ATP9B: variants seen among roughly 807,000 people sequenced by gnomAD.
ATP9B encodes ATPase phospholipid transporting 9B, also known as probable phospholipid-transporting ATPase IIB.
In ATP9B, 110 loss-of-function variants were observed where a neutral mutation model predicts 146.1. The observed-to-expected ratio is 0.75, with a 90% CI of 0.65 to 0.88. ATP9B has a LOEUF of 0.88. Ranked by LOEUF, ATP9B falls within the 40% of genes least tolerant of loss-of-function variation. The probability of loss-of-function intolerance (pLI) is 0.00; values close to 1 mark genes in which losing one functional copy is unlikely to be tolerated. For synonymous variants in ATP9B, 604 were observed against 569.7 expected (o/e 1.06, Z -0.86); for missense variants, 1,499 against 1,496.4 (o/e 1.00, Z -0.03).
chr18:79,142,480 A>G (rs2094525591), intron 5 of ATP9B, among the ~76,000 whole-genome samples: 2 of 152,184 alleles, frequency 1.3e-5, no homozygotes, highest in African/African-American at 4.8e-5. Flanking sequence ...GCTAGGAGAG[A>G]GGGTGAAATT....
chr18:79,348,263 A>C lies in ATP9B; in HGVS notation c.2903+67A>C, dbSNP rs934694909. The stretch of plus-strand genomic sequence containing the variant: ...CTTCTATTTTGAAAAAAAAAAAAAA[A>C]AAAAAACAAAAAACGTATATAGAAG... On this transcript the variant is annotated intron_variant, in intron 25 of 29. Transcript: ENST00000426216. 1.1e-3 allele frequency: 1,340 copies of C among 1,232,208 alleles called. 45 individuals carry two copies. Among genetic ancestry groups the C allele is most frequent in the Admixed American group, 1.9e-3 (91 of 48,888 alleles). 76.3% of individuals were successfully genotyped at this position (1,232,208 alleles called of 1,614,324 possible). A position where few individuals can be genotyped will look rare whatever the true frequency, so the allele number is the denominator to read the frequency against.
chr18:79,142,117 G>A (rs373932843), intron 5 of ATP9B, among the ~76,000 whole-genome samples: 4 of 152,112 alleles, frequency 2.6e-5, no homozygotes, highest in Non-Finnish European at 4.4e-5. Flanking sequence ...TTTGTTCATT[G>A]TGTAATAGCA....
At chr18:79,071,525 G>A (rs1414679908) in intron 1 of ATP9B, among the ~76,000 whole-genome samples, 1 of 150,664 alleles carries the variant, frequency 6.6e-6, no homozygotes, top group African/African-American at 2.4e-5. Context: ...GGGACTATAG[G>A]CACATACCAC....
intron 13 of ATP9B, among the ~76,000 whole-genome samples, chr18:79,287,738 T>A (rs1252174749): frequency 6.6e-6 from 1 of 152,144 alleles, no homozygotes; most frequent in Admixed American, 6.5e-5. Flanking sequence ...TTTCCTGCTT[T>A]CTCTTGTGGG....
rs1370152631 is a variant in ATP9B, at chr18:79,243,289, ATATAAT to A, written c.1108-10086_1108-10081del. Among the ~76,000 whole-genome samples the A allele has an allele frequency of 3.3e-5, 5 of 152,342 alleles. No homozygotes were observed. The South Asian group carries it at 6.2e-4, about 19-fold the overall frequency. ...CATTTTATATATCCTCATGTTTTTA[ATATAAT>A]TATAAATAGGTGAATATGCATTTAA... On this transcript the variant is annotated intron_variant, in intron 11 of 29. Transcript: ENST00000426216.
At chr18:79,149,470 C>G (rs1403116252) in intron 6 of ATP9B, among the ~76,000 whole-genome samples, 3 of 150,902 alleles carry the variant, frequency 2.0e-5, no homozygotes, top group Non-Finnish European at 4.4e-5. Context: ...AACTGCAAAA[C>G]TTTTAGAAAA....
At chr18:79,073,520 C>G (rs540124033) in intron 1 of ATP9B, among the ~76,000 whole-genome samples, 3 of 152,202 alleles carry the variant, frequency 2.0e-5, no homozygotes, top group Admixed American at 6.5e-5. Flanking sequence ...CCCAGGCACT[C>G]GGCAGGCTGA....
At chr18:79,205,237 AT>A (rs2095522734) in intron 9 of ATP9B, among the ~76,000 whole-genome samples, 1 of 120,822 alleles carries the variant, frequency 8.3e-6, no homozygotes, top group Non-Finnish European at 1.8e-5. Context: ...TAGGGGAAAT[AT>A]TTTGGAAACT....
intron 9 of ATP9B, among the ~76,000 whole-genome samples, chr18:79,195,322 A>G (rs922093802): frequency 6.6e-6 from 1 of 152,172 alleles, no homozygotes; most frequent in Admixed American, 6.5e-5. Context: ...ATCATAGCTC[A>G]TTGCAACCTC....
chr18:79,077,918 A>G (rs2072812481), intron 1 of ATP9B: 1 of 152,238 alleles, frequency 6.6e-6, no homozygotes, highest in African/African-American at 2.4e-5. Context: ...TAGATGAAAT[A>G]CTGCCTGATT....
chr18:79,220,690 G>A (rs973697973), intron 11 of ATP9B, among the ~76,000 whole-genome samples: 10 of 152,112 alleles, frequency 6.6e-5, no homozygotes, highest in African/African-American at 2.4e-4. Context: ...ACATTTTCTA[G>A]GTTTATCCAG....
chr18:79,227,141 CCT>C (rs1159708855), intron 11 of ATP9B, among the ~76,000 whole-genome samples: 2 of 152,112 alleles, frequency 1.3e-5, no homozygotes, highest in African/African-American at 4.8e-5. Context: ...TTTAAGCTGG[CCT>C]CTCTGTCGTA....
Position 79,253,485 on chromosome 18 carries a change from A to T in ATP9B, c.1212A>T (p.Pro404=). ...VMVTLQGFVG[P]WYRNLFRFLL... is the part of the protein sequence containing the mutation. ...TAACCTTACAAGGATTTGTGGGTCC[A>T]TGGTACCGCAATCTTTTTCGGTTCC... Residue 404 remains proline, a synonymous_variant, in exon 12 of 30, where the codon CCA becomes CCT. Coordinates refer to ENST00000426216, the MANE Select transcript of ATP9B (RefSeq NM_198531.5). The T allele has an allele frequency of 6.2e-7, 1 of 1,612,212 alleles. No homozygotes were observed. Among genetic ancestry groups the T allele is most frequent in the Non-Finnish European group, 8.5e-7 (1 of 1,179,478 alleles).
At chr18:79,176,967 G>A (rs1052946940) in intron 8 of ATP9B, 60 bp downstream of exon 8, 193 of 1,405,994 alleles carry the variant, frequency 1.4e-4, no homozygotes, top group Non-Finnish European at 1.7e-4. Context: ...TAGGCTTCAC[G>A]TATATTTCTG....
intron 17 of ATP9B, among the ~76,000 whole-genome samples, chr18:79,334,095 C>T (rs999965804): frequency 7.9e-5 from 12 of 152,144 alleles, no homozygotes; most frequent in Non-Finnish European, 1.5e-4. Flanking sequence ...CGGTGGCTCA[C>T]GCCTGTAATC....
intron 9 of ATP9B, among the ~76,000 whole-genome samples, chr18:79,201,707 C>G (rs1167418349): frequency 1.3e-5 from 2 of 152,032 alleles, no homozygotes; most frequent in African/African-American, 4.8e-5. Flanking sequence ...GCAGTTGGGA[C>G]TACGGGTGTG....
chr18:79,224,179 G>T (rs1246116373), intron 11 of ATP9B, among the ~76,000 whole-genome samples: 2 of 152,132 alleles, frequency 1.3e-5, no homozygotes, highest in African/African-American at 4.8e-5. Flanking sequence ...CAAGAAGCAA[G>T]TATTTTCATA....
At chr18:79,373,873 G>A in intron 27 of ATP9B, 25 bp from the exon 28 acceptor site, 1 of 1,611,846 alleles carries the variant, frequency 6.2e-7, no homozygotes, top group Non-Finnish European at 8.5e-7. Flanking sequence ...TCGTGTGCAT[G>A]GAAAAAGCTC....
At chr18:79,203,624 A>T (rs1300879441) in intron 9 of ATP9B, among the ~76,000 whole-genome samples, 1 of 151,940 alleles carries the variant, frequency 6.6e-6, no homozygotes, top group Non-Finnish European at 1.5e-5. Context: ...ATGGGATTAG[A>T]AACATGTCAA....
Sources: allele counts gnomAD v4.1 joint callset (sites outside exome capture counted in the v4.1 genomes callset), GRCh38; gene constraint gnomAD v4.1.1; transcripts MANE v1.5; gene names NCBI Gene and HGNC (gene_info 2026-07-23, HGNC 2026-07-21).